The following ADCY9 variants were observed in gnomAD, a reference collection of about 807,000 sequenced individuals.
ADCY9 encodes adenylate cyclase type 9.
A neutral mutation model predicts 101.5 loss-of-function variants in ADCY9; 50 were observed. That is an observed-to-expected ratio of 0.49 (90% CI 0.39 to 0.62). ADCY9 has a LOEUF of 0.62. Among genes scored for constraint, ADCY9 ranks in the 20% least tolerant of loss-of-function variants. ADCY9 has a pLI of 0.00. For missense variants in ADCY9, 1,662 were observed against 1,800.4 expected (o/e 0.92, Z 1.39); for synonymous variants, 905 against 769.3 (o/e 1.18, Z -2.92).
rs538136785 is a variant in ADCY9 at position 4,067,672 on chromosome 16, G to A, written c.1693+46078C>T. 1.5e-3 allele frequency among the ~76,000 whole-genome samples: 226 copies of A among 152,244 alleles called. 1 individual carries two copies. The highest frequency in any genetic ancestry group is 5.2e-3 in the African/African-American group (214 of 41,546). ...AGAACTGGACCCCCAGAGAAGTTCC[G>A]AGATCAGCACAGCCTGCAGCTGACC... On this transcript the variant is annotated intron_variant, in intron 2 of 10. Transcript: ENST00000294016.
intron 10 of ADCY9, among the ~76,000 whole-genome samples, chr16:3,970,339 ATTC>A (rs1223169064): frequency 6.6e-6 from 1 of 151,634 alleles, no homozygotes; most frequent in African/African-American, 2.4e-5. Context: ...CCAAAACTCA[ATTC>A]TTCTTTTTTC....
intron 5 of ADCY9, among the ~76,000 whole-genome samples, chr16:3,990,779 T>C (rs2056237909): frequency 6.6e-6 from 1 of 150,766 alleles, no homozygotes; most frequent in South Asian, 2.1e-4. Flanking sequence ...GACACTGCTA[T>C]TAGCTGTGCT....
chr16:3,964,174 T>G lies in ADCY9; in HGVS notation c.*1601A>C, dbSNP rs968574382. On this transcript the variant is annotated 3_prime_UTR_variant, in exon 11 of 11. Transcript: ENST00000294016. ...CGGTGTGAAAACGAGACAGTGAGAT[T>G]TGACAGCGGAAAGCAAAATGCACAG... 6.6e-6 allele frequency: 1 copy of G among 152,212 alleles called. No individual in the cohort carries two copies. The highest frequency in any genetic ancestry group is 6.5e-5 in the Admixed American group (1 of 15,270). 9.4% of individuals were successfully genotyped at this position (152,212 alleles called of 1,614,324 possible).
At chr16:4,064,978 G>A (rs1258877368) in intron 2 of ADCY9, among the ~76,000 whole-genome samples, 1 of 152,120 alleles carries the variant, frequency 6.6e-6, no homozygotes, top group Non-Finnish European at 1.5e-5. Flanking sequence ...TGGAGAGAGC[G>A]AATACACAGA....
At chr16:3,960,309 C>G (rs1162775702), downstream of ADCY9, among the ~76,000 whole-genome samples, 5 of 152,096 alleles carry the variant, frequency 3.3e-5, no homozygotes, top group Non-Finnish European at 7.3e-5. Context: ...CACCTGAGGT[C>G]TGGAGTTTGA....
At chr16:4,035,196 A>C (rs950268186) in intron 2 of ADCY9, among the ~76,000 whole-genome samples, 2 of 152,214 alleles carry the variant, frequency 1.3e-5, no homozygotes, top group Non-Finnish European at 2.9e-5. Flanking sequence ...TTTGGTAGAC[A>C]GAGGCAGTTC....
At chr16:4,073,318 C>T (rs1470086574) in intron 2 of ADCY9, among the ~76,000 whole-genome samples, 1 of 151,816 alleles carries the variant, frequency 6.6e-6, no homozygotes, top group Non-Finnish European at 1.5e-5. Flanking sequence ...AACTCCTGGC[C>T]TCAAGTGATC....
At chr16:4,085,553 A>G (rs1224221355) in intron 2 of ADCY9, among the ~76,000 whole-genome samples, 4 of 152,154 alleles carry the variant, frequency 2.6e-5, no homozygotes, top group Non-Finnish European at 5.9e-5. Flanking sequence ...GGAGGCTCCC[A>G]AGAGCTGCAG....
intron 7 of ADCY9, among the ~76,000 whole-genome samples, chr16:3,979,951 C>A (rs893895212): frequency 3.2e-5 from 4 of 126,880 alleles, no homozygotes; most frequent in African/African-American, 1.1e-4. Flanking sequence ...CCTGTGGAAA[C>A]TGAGTGACAG....
intron 2 of ADCY9, among the ~76,000 whole-genome samples, chr16:4,017,627 G>A (rs1182141916): frequency 1.4e-5 from 2 of 143,682 alleles, no homozygotes; most frequent in Non-Finnish European, 3.0e-5. Context: ...CTGGGCAGCA[G>A]AGTGAAACTC....
chr16:4,027,973 T>C (rs1339363276), intron 2 of ADCY9, among the ~76,000 whole-genome samples: 1 of 152,026 alleles, frequency 6.6e-6, no homozygotes, highest in Non-Finnish European at 1.5e-5. Context: ...ACGATTCAAT[T>C]ACCTCCCACT....
At position 4,114,546 on chromosome 16, in the gene ADCY9, G is replaced by A. The variant is rs1428700813; in HGVS notation, c.897C>T (p.Phe299=). The A allele has an allele frequency of 5.0e-6, 8 of 1,614,132 alleles. No individual in the cohort carries two copies. Among genetic ancestry groups the A allele is most frequent in the East Asian group, 2.2e-5 (1 of 44,888 alleles). ...GCIHAIGVHL[F]VMSQVRSRST... ...TCCTGGACCTCACCTGGGACATGAC[G>A]AACAGGTGGACCCCGATGGCGTGGA... The change falls in exon 2 of 11, where the codon TTC becomes TTT. Residue 299 remains phenylalanine (F), a synonymous_variant. Coordinates refer to ENST00000294016, the MANE Select transcript of ADCY9 (RefSeq NM_001116.4). This position sits in a 1 kb window ranked among gnomAD's most constrained non-coding sequence, Gnocchi z 4.3.
chr16:4,097,501 C>CACACACACACAA (rs1555445955), intron 2 of ADCY9, among the ~76,000 whole-genome samples: 2 of 105,512 alleles, frequency 1.9e-5, no homozygotes, highest in Non-Finnish European at 3.8e-5. Flanking sequence ...CACACACACA[C>CACACACACACAA]TATATATATG....
rs762008889 is a variant in ADCY9, at chr16:4,115,210, T to C, written c.233A>G (p.Lys78Arg). ...GGCCCTCTCGAACAGCTGGGGCAGCTTCTTCTGCCTGCGCAGCCGGCCTCC... is the reference window on the plus strand; with the variant it reads ...GGCCCTCTCGAACAGCTGGGGCAGCCTCTTCTGCCTGCGCAGCCGGCCTCC... ...GGGGRLRRQK[K>R]LPQLFERASS... The change falls in exon 2 of 11, where the codon AAG (lysine) becomes AGG (arginine). Residue 78 changes from lysine to arginine, a missense_variant. This residue lies in a region of ADCY9 where 422 missense variants were observed against 392.0 expected (regional missense o/e 1.08). Transcript: ENST00000294016. This position sits in a 1 kb window ranked among gnomAD's most constrained non-coding sequence, Gnocchi z 6.2. The C allele has an allele frequency of 1.2e-6, 2 of 1,613,514 alleles. No individual in the cohort carries two copies. The highest frequency in any genetic ancestry group is 1.7e-6 in the Non-Finnish European group (2 of 1,179,806).
At position 4,113,754 on chromosome 16, in the gene ADCY9, C is replaced by T. The variant is rs1018689533; in HGVS notation, c.1689G>A (p.Leu563=). The T allele has an allele frequency of 6.2e-7, 1 of 1,611,708 alleles. No individual in the cohort carries two copies. The highest frequency in any genetic ancestry group is 8.5e-7 in the Non-Finnish European group (1 of 1,178,296). Residue 563 remains leucine (L), a synonymous_variant, in exon 2 of 11, where the codon TTG becomes TTA. Coordinates refer to ENST00000294016, the MANE Select transcript of ADCY9 (RefSeq NM_001116.4). Reference sequence around the variant, plus strand: ...GAGGTAAAGCAGTGCACATACCTTTCAACTGGTCAGCAACCACGCTCTGGC... The same window carrying T: ...GAGGTAAAGCAGTGCACATACCTTTTAACTGGTCAGCAACCACGCTCTGGC... ...RLGQSVVADQ[L]KGLKTYLISG...
intron 2 of ADCY9, among the ~76,000 whole-genome samples, chr16:4,049,948 T>C (rs959709629): frequency 3.9e-5 from 6 of 151,990 alleles, no homozygotes; most frequent in African/African-American, 1.5e-4. Flanking sequence ...GGAGGACTGC[T>C]TGAACCCAGG....
At chr16:4,075,813 G>A (rs549229072) in intron 2 of ADCY9, among the ~76,000 whole-genome samples, 79 of 150,154 alleles carry the variant, frequency 5.3e-4, no homozygotes, top group Non-Finnish European at 9.3e-4. Flanking sequence ...CTTGTAAGGT[G>A]GGCAGGGGTC....
intron 2 of ADCY9, among the ~76,000 whole-genome samples, chr16:4,110,960 TCACGATCACGGATCCTGCTC>T (rs768629392): frequency 5.0e-4 from 76 of 152,258 alleles, no homozygotes; most frequent in Middle Eastern, 3.4e-3. Flanking sequence ...ACCTCCTACC[TCACGATCACGGATCCTGCTC>T]CACGATCACG....
chr16:4,012,475 CAA>C (rs35681254), intron 2 of ADCY9, among the ~76,000 whole-genome samples: 3 of 139,000 alleles, frequency 2.2e-5, no homozygotes, highest in Admixed American at 7.2e-5. Flanking sequence ...GCAGAAGGTC[CAA>C]AAAAAAAAAA....
Sources: gnomAD v4.1 joint callset for allele counts (sites outside exome capture counted in the v4.1 genomes callset) on GRCh38, gnomAD v4.1.1 for gene constraint, gnomAD v4.1.1 regional missense constraint, Gnocchi (gnomAD v3.1) non-coding constraint, MANE v1.5 for transcripts, NCBI Gene and HGNC (gene_info 2026-07-23, HGNC 2026-07-21) for gene names.